GPC5: variants seen among roughly 807,000 people sequenced by gnomAD.
GPC5 encodes glypican 5.
A neutral mutation model predicts 53.9 loss-of-function variants in GPC5; 47 were observed. The ratio of observed to expected loss-of-function variants is 0.87; its 90% confidence interval spans 0.69 to 1.11. GPC5 has a LOEUF of 1.11. Ranked by LOEUF, GPC5 falls within the 50% of genes most tolerant of loss-of-function variation. GPC5 has a pLI of 0.00. For synonymous variants in GPC5, 286 were observed against 263.3 expected, an observed-to-expected ratio of 1.09 and a Z score of -0.84; for missense variants, 748 against 713.1, an observed-to-expected ratio of 1.05 and a Z score of -0.56.
intron 7 of GPC5, among the ~76,000 whole-genome samples, chr13:92,648,684 T>C (rs567528451): frequency 2.0e-5 from 3 of 152,282 alleles, no homozygotes; most frequent in Admixed American, 6.5e-5. Flanking sequence ...TTTAATATAT[T>C]TAATAGAACA....
chr13:91,982,049 T>C (rs775443938), intron 6 of GPC5, among the ~76,000 whole-genome samples: 2 of 152,134 alleles, frequency 1.3e-5, no homozygotes, highest in Non-Finnish European at 2.9e-5. Flanking sequence ...AGTAGATACG[T>C]AATCCAAAAA....
intron 6 of GPC5, among the ~76,000 whole-genome samples, chr13:92,035,643 A>G (rs2040886631): frequency 6.6e-6 from 1 of 151,948 alleles, no homozygotes; most frequent in Admixed American, 6.6e-5. Context: ...TTATATACAG[A>G]CTGTCTTTTC....
chr13:91,955,449 T>C (rs2040064376), intron 6 of GPC5, among the ~76,000 whole-genome samples: 1 of 151,968 alleles, frequency 6.6e-6, no homozygotes, highest in Non-Finnish European at 1.5e-5. Context: ...GAATAGACGA[T>C]GTAAGAGAAA....
At chr13:92,097,514 T>A (rs1439421929) in intron 6 of GPC5, among the ~76,000 whole-genome samples, 3 of 152,232 alleles carry the variant, frequency 2.0e-5, no homozygotes, top group Admixed American at 1.3e-4. Flanking sequence ...CAGAAGCCTA[T>A]ATGAAGGGAT....
intron 2 of GPC5, among the ~76,000 whole-genome samples, chr13:91,662,230 G>A (rs777365751): frequency 2.0e-5 from 3 of 152,116 alleles, no homozygotes; most frequent in Non-Finnish European, 1.5e-5. Context: ...GCAGAAGGAA[G>A]ACCAAGAAAG....
intron 7 of GPC5, among the ~76,000 whole-genome samples, chr13:92,352,410 T>C (rs926970891): frequency 5.9e-5 from 9 of 152,086 alleles, no homozygotes; most frequent in African/African-American, 2.2e-4. Context: ...TAAAATGTTA[T>C]CATAAACTAA....
intron 2 of GPC5, among the ~76,000 whole-genome samples, chr13:91,516,202 C>A (rs918290484): frequency 6.6e-6 from 1 of 152,098 alleles, no homozygotes. Context: ...CAGCATTAAC[C>A]CAAAAGTCCA....
intron 7 of GPC5, among the ~76,000 whole-genome samples, chr13:92,838,490 A>ACCCGCC (rs1566439756): frequency 6.7e-6 from 1 of 148,500 alleles, no homozygotes; most frequent in African/African-American, 2.5e-5. Context: ...GCCCCCCCCA[A>ACCCGCC]AAAAAAAAAG....
At chr13:92,450,352 T>C (rs1878010678) in intron 7 of GPC5, among the ~76,000 whole-genome samples, 1 of 152,200 alleles carries the variant, frequency 6.6e-6, no homozygotes, top group South Asian at 2.1e-4. Flanking sequence ...GGGACCCAAG[T>C]TTAAATATGT....
At chr13:92,323,128 ATAAGTC>A (rs1218649207) in intron 7 of GPC5, among the ~76,000 whole-genome samples, 3 of 151,556 alleles carry the variant, frequency 2.0e-5, no homozygotes, top group Non-Finnish European at 4.4e-5. Flanking sequence ...ATGAAAAAAA[ATAAGTC>A]TATGAAATCG....
intron 7 of GPC5, among the ~76,000 whole-genome samples, chr13:92,627,248 A>G (rs1292264564): frequency 6.6e-6 from 1 of 152,206 alleles, no homozygotes; most frequent in Non-Finnish European, 1.5e-5. Flanking sequence ...ACCTTTAGCA[A>G]TTTGAGGGGC....
At chr13:91,519,771 G>C (rs1247409085) in intron 2 of GPC5, among the ~76,000 whole-genome samples, 3 of 152,044 alleles carry the variant, frequency 2.0e-5, no homozygotes, top group African/African-American at 7.2e-5. Flanking sequence ...TTGTATATTG[G>C]GCAGGTTACT....
intron 6 of GPC5, among the ~76,000 whole-genome samples, chr13:92,031,749 A>AT (rs1566403186): frequency 5.7e-5 from 4 of 70,312 alleles, no homozygotes; most frequent in East Asian, 6.9e-4. Context: ...TATATAATAT[A>AT]TATTATATTA....
rs370188197 is a variant in GPC5 at position 92,735,546 on chromosome 13, A to G, written c.1562-130736A>G. On this transcript the variant is annotated intron_variant, in intron 7 of 7. Transcript: ENST00000377067. ...ACTTGAGAGTTGATGAGAACTGCATATTCTGAAATGCTTTTAAACTACAAA... is the reference window on the plus strand; with the variant it reads ...ACTTGAGAGTTGATGAGAACTGCATGTTCTGAAATGCTTTTAAACTACAAA... Among the ~76,000 whole-genome samples the G allele has an allele frequency of 6.6e-5, 10 of 152,000 alleles. No homozygotes were observed. In the East Asian group the frequency reaches 1.4e-3, roughly 21 times the overall value.
At chr13:91,476,598 G>A (rs1398202626) in intron 2 of GPC5, among the ~76,000 whole-genome samples, 1 of 152,148 alleles carries the variant, frequency 6.6e-6, no homozygotes, top group African/African-American at 2.4e-5. Flanking sequence ...CAATAGTGAT[G>A]CAGAAAAGGC....
intron 5 of GPC5, among the ~76,000 whole-genome samples, chr13:91,809,821 C>T (rs2038282045): frequency 6.6e-6 from 1 of 151,834 alleles, no homozygotes; most frequent in African/African-American, 2.4e-5. Context: ...GAATATGTGA[C>T]ATATAAGGTA....
intron 7 of GPC5, among the ~76,000 whole-genome samples, chr13:92,637,237 T>C (rs538590170): frequency 1.3e-5 from 2 of 152,328 alleles, no homozygotes; most frequent in Admixed American, 6.5e-5. Flanking sequence ...AATTTAGTTC[T>C]CCATGTCAGA....
At chr13:91,694,522 T>G (rs1438116536) in intron 3 of GPC5, among the ~76,000 whole-genome samples, 2 of 152,190 alleles carry the variant, frequency 1.3e-5, no homozygotes, top group Non-Finnish European at 2.9e-5. Context: ...GAAACGTTTT[T>G]AAAACACAAT....
At chr13:91,795,803 C>G (rs1209151004) in intron 5 of GPC5, among the ~76,000 whole-genome samples, 1 of 152,146 alleles carries the variant, frequency 6.6e-6, no homozygotes, top group African/African-American at 2.4e-5. Flanking sequence ...CGGGCTTTCT[C>G]TACCTGCTTG....
Sources: allele counts gnomAD v4.1 joint callset (sites outside exome capture counted in the v4.1 genomes callset), GRCh38; gene constraint gnomAD v4.1.1; transcripts MANE v1.5; gene names NCBI Gene and HGNC (gene_info 2026-07-23, HGNC 2026-07-21).